The following CNTN6 variants were observed in gnomAD, a reference collection of about 807,000 sequenced individuals.
CNTN6 encodes the protein contactin 6, also known as contactin-6.
CNTN6 carries 137 observed loss-of-function variants against 122.8 expected under a neutral mutation model. The ratio of observed to expected loss-of-function variants is 1.12; its 90% CI spans 0.97 to 1.29. The LOEUF (loss-of-function observed/expected upper bound fraction) is 1.29. Ranked by LOEUF, CNTN6 falls within the 50% of genes most tolerant of loss-of-function variation. The pLI is 0.00. For synonymous variants in CNTN6, 570 were observed against 426.0 expected, an observed-to-expected ratio of 1.34 and a Z score of -4.16; for missense variants, 1,634 against 1,223.4, an observed-to-expected ratio of 1.34 and a Z score of -5.01.
intron 1 of CNTN6, among the ~76,000 whole-genome samples, chr3:1,098,114 T>C (rs1393474801): frequency 4.0e-5 from 6 of 151,394 alleles, no homozygotes; most frequent in South Asian, 4.2e-4. Context: ...AGGGATAGCA[T>C]TGGGAGATAT....
At chr3:1,099,342 T>C (rs961210825) in intron 1 of CNTN6, among the ~76,000 whole-genome samples, 1 of 151,656 alleles carries the variant, frequency 6.6e-6, no homozygotes, top group Non-Finnish European at 1.5e-5. Flanking sequence ...TCCCAGCTAC[T>C]GGGGAGGCTG....
At chr3:1,154,475 C>CTTTTTT in intron 2 of CNTN6, among the ~76,000 whole-genome samples, 2 of 132,956 alleles carry the variant, frequency 1.5e-5, no homozygotes, top group African/African-American at 3.2e-5. Context: ...TGGAGTTTTG[C>CTTTTTT]TCTTGTTGCC....
intron 20 of CNTN6, among the ~76,000 whole-genome samples, chr3:1,387,927 G>C (rs4640021): frequency 2.6e-5 from 4 of 151,920 alleles, no homozygotes; most frequent in South Asian, 4.2e-4. Context: ...ACGGAATCTC[G>C]CTGATTGCTA....
chr3:1,351,718 A>G (rs1026227595), intron 11 of CNTN6, among the ~76,000 whole-genome samples: 11 of 151,896 alleles, frequency 7.2e-5, no homozygotes, highest in African/African-American at 2.7e-4. Context: ...TTCATAATTA[A>G]CCCATGAAGC....
chr3:1,142,968 G>GTATATATATATATATATA (rs3043051), intron 1 of CNTN6, among the ~76,000 whole-genome samples: 10 of 128,642 alleles, frequency 7.8e-5, no homozygotes, highest in African/African-American at 2.5e-4. Context: ...GTGTGTGTGT[G>GTATATATATATATATATA]TATATATATA....
At position 1,385,792 on chromosome 3, in the gene CNTN6, A is replaced by T. The variant is rs760051243; in HGVS notation, c.2699A>T (p.Lys900Met). Residue 900 changes from lysine (K) to methionine (M), a missense_variant, in exon 20 of 23, where the codon AAG (lysine) becomes ATG (methionine). Coordinates refer to ENST00000446702, the MANE Select transcript of CNTN6 (RefSeq NM_001289080.2). Reference protein sequence around the residue: ...SSPPVNVTTKKSPPSQPPANI... With the variant: ...SSPPVNVTTKMSPPSQPPANI... ...CCCCCAGTCAATGTTACCACCAAAA[A>T]GTCTCGTAAGTATGCATACACTCCA... The T allele has an allele frequency of 4.4e-6, 7 of 1,609,072 alleles. No homozygotes were observed. In the South Asian group the frequency reaches 5.5e-5, roughly 13 times the overall value.
intron 5 of CNTN6, among the ~76,000 whole-genome samples, chr3:1,283,824 A>T (rs946097232): frequency 5.3e-5 from 8 of 152,074 alleles, no homozygotes; most frequent in African/African-American, 1.9e-4. Flanking sequence ...ACATGGTGAA[A>T]CCCCGTCTGT....
chr3:1,321,692 G>C lies in CNTN6; in HGVS notation c.804G>C (p.Pro268=), dbSNP rs1253456865. ...GTTGGAGAAGGTTGGACGGGAGCCC[G>C]TTGCCAGGGAAAGTCAAGTACAGCA... ...DISWRRLDGS[P]LPGKVKYSKS... The change falls in exon 8 of 23, where the codon CCG becomes CCC. Residue 268 remains proline, a synonymous_variant. Transcript: ENST00000446702. 1.2e-6 allele frequency: 2 copies of C among 1,611,474 alleles called. No individual in the cohort carries two copies. The highest frequency in any genetic ancestry group is 8.5e-7 in the Non-Finnish European group (1 of 1,178,406).
At chr3:1,246,952 C>T (rs968919366) in intron 4 of CNTN6, among the ~76,000 whole-genome samples, 3 of 152,138 alleles carry the variant, frequency 2.0e-5, no homozygotes, top group Non-Finnish European at 4.4e-5. Context: ...GAAACCGCTT[C>T]TACTGTGTCG....
intron 2 of CNTN6, among the ~76,000 whole-genome samples, chr3:1,199,124 G>A (rs911528061): frequency 2.6e-5 from 4 of 151,104 alleles, no homozygotes; most frequent in Admixed American, 1.3e-4. Context: ...CTGACACCTC[G>A]GTTTCAGGCT....
At chr3:1,320,974 CTGCGG>C (rs1302894482) in intron 7 of CNTN6, among the ~76,000 whole-genome samples, 3 of 151,526 alleles carry the variant, frequency 2.0e-5, no homozygotes, top group African/African-American at 7.3e-5. Context: ...AGGGGACAGG[CTGCGG>C]TGTAAATCCA....
intron 12 of CNTN6, among the ~76,000 whole-genome samples, chr3:1,371,788 G>C (rs968378418): frequency 6.6e-6 from 1 of 152,114 alleles, no homozygotes; most frequent in East Asian, 1.9e-4. Context: ...TTAACAAAAA[G>C]AAAATTAGAG....
chr3:1,385,613 C>G lies in CNTN6; in HGVS notation c.2520C>G (p.Val840=), dbSNP rs775387077. 2.1e-5 allele frequency: 33 copies of G among 1,609,694 alleles called. 1 individual carries two copies. Among genetic ancestry groups the G allele is most frequent in the Non-Finnish European group, 2.3e-5 (27 of 1,178,456 alleles). Residue 840 remains valine, a splice_region_variant and synonymous_variant, in exon 20 of 23, where the codon GTC becomes GTG. Transcript: ENST00000446702. ...TTGTTTTGGTTTTTAATTATCAGGTCTTATACTGGACAGATGACTCCAAAG... is the reference window on the plus strand; with the variant it reads ...TTGTTTTGGTTTTTAATTATCAGGTGTTATACTGGACAGATGACTCCAAAG... The part of the protein sequence containing the change: ...RNTGRVLGYE[V]LYWTDDSKES...
intron 4 of CNTN6, among the ~76,000 whole-genome samples, chr3:1,267,899 C>T (rs77935686): frequency 1.3e-5 from 2 of 150,332 alleles, no homozygotes; most frequent in Non-Finnish European, 2.9e-5. Flanking sequence ...AAAAAAAACA[C>T]GTCCCTTGAT....
intron 1 of CNTN6, among the ~76,000 whole-genome samples, chr3:1,094,268 C>T (rs1553581967): frequency 6.6e-6 from 1 of 151,838 alleles, no homozygotes; most frequent in Non-Finnish European, 1.5e-5. Flanking sequence ...GACTCTTTTT[C>T]CCTCCTCCTT....
intron 4 of CNTN6, among the ~76,000 whole-genome samples, chr3:1,275,148 C>G (rs1575515481): frequency 6.6e-6 from 1 of 152,146 alleles, no homozygotes; most frequent in South Asian, 2.1e-4. Context: ...TTACAAGGAC[C>G]TTATTTTATC....
chr3:1,261,707 C>T (rs56362516), intron 4 of CNTN6, among the ~76,000 whole-genome samples: 298 of 152,262 alleles, frequency 2.0e-3, no homozygotes, highest in African/African-American at 6.9e-3. Flanking sequence ...GGGGCACCTA[C>T]AGTGGCTGCT....
intron 4 of CNTN6, among the ~76,000 whole-genome samples, chr3:1,252,843 G>T (rs1055401862): frequency 6.6e-6 from 1 of 152,132 alleles, no homozygotes; most frequent in African/African-American, 2.4e-5. Context: ...GCATCTCCGA[G>T]AACCTTCAGG....
At chr3:1,328,945 A>G (rs1701900683) in intron 10 of CNTN6, among the ~76,000 whole-genome samples, 2 of 151,678 alleles carry the variant, frequency 1.3e-5, no homozygotes, top group African/African-American at 4.8e-5. Context: ...ATAGTGATAC[A>G]GCATTTCTGA....
Sources: allele counts gnomAD v4.1 joint callset (sites outside exome capture counted in the v4.1 genomes callset), GRCh38; gene constraint gnomAD v4.1.1; transcripts MANE v1.5; gene names NCBI Gene and HGNC (gene_info 2026-07-23, HGNC 2026-07-21).